The following MRTFB variants were observed in gnomAD, a reference collection of about 807,000 sequenced individuals.
MRTFB encodes myocardin-related transcription factor B.
In MRTFB, 29 loss-of-function variants were observed where a neutral mutation model predicts 104.2. The ratio of observed to expected loss-of-function variants is 0.28; its 90% CI spans 0.21 to 0.38. MRTFB has a LOEUF of 0.38. Ranked by LOEUF, MRTFB falls within the 10% of genes least tolerant of loss-of-function variation. The pLI, the probability that MRTFB is intolerant of heterozygous loss-of-function variation, is 1.00. For synonymous variants in MRTFB, 535 were observed against 519.5 expected (o/e 1.03, Z -0.41); for missense variants, 1,270 against 1,341.6 (o/e 0.95, Z 0.83).
At chr16:14,028,477 C>G in the MRTFB span, among the ~76,000 whole-genome samples, 2 of 152,140 alleles carry the variant, frequency 1.3e-5, no homozygotes. Flanking sequence ...CAGTGCTGTG[C>G]TAGGACTGGG....
chr16:14,200,133 T>C (rs2040616893), intron 3 of MRTFB: 2 of 669,832 alleles, frequency 3.0e-6, no homozygotes, highest in Non-Finnish European at 4.9e-6. Context: ...TTATTAGAAA[T>C]TTAATTTATA....
intron 2 of MRTFB, among the ~76,000 whole-genome samples, chr16:14,132,341 T>C (rs747598949): frequency 3.3e-5 from 5 of 152,028 alleles, no homozygotes; most frequent in Non-Finnish European, 5.9e-5. Flanking sequence ...GAGAATGTTC[T>C]GGACTTGGAT....
chr16:14,081,442 G>T (rs1484669395), intron 2 of MRTFB, among the ~76,000 whole-genome samples: 1 of 151,930 alleles, frequency 6.6e-6, no homozygotes, highest in Non-Finnish European at 1.5e-5. Flanking sequence ...ACAGGCATCC[G>T]CCATCATGCC....
At chr16:14,198,416 A>G (rs796627930) in intron 3 of MRTFB, among the ~76,000 whole-genome samples, 12 of 152,372 alleles carry the variant, frequency 7.9e-5, no homozygotes, top group African/African-American at 2.9e-4. Context: ...TTTAGGAAAG[A>G]CTTTAGAAAG....
At chr16:14,005,727 G>A in the MRTFB span, among the ~76,000 whole-genome samples, 1 of 152,146 alleles carries the variant, frequency 6.6e-6, no homozygotes, top group Admixed American at 6.5e-5. Context: ...ATTGAGTGTG[G>A]GGAACCTGAA....
rs115948199 is a variant in MRTFB at position 14,226,176 on chromosome 16, C to A, written c.693+7178C>A. ...CCCCAAACAATCTACAGATTCAGTA[C>A]AGTTCATATCAAAATCCTAATGTTG... On this transcript the variant is annotated intron_variant, in intron 8 of 16. Transcript: ENST00000571589. Among the ~76,000 whole-genome samples the A allele has an allele frequency of 3.5e-3, 526 of 152,296 alleles. 3 individuals are homozygous for A. Among genetic ancestry groups the A allele is most frequent in the African/African-American group, 0.012 (509 of 41,558 alleles).
At chr16:14,088,241 C>T (rs917190959) in intron 2 of MRTFB, among the ~76,000 whole-genome samples, 1 of 152,120 alleles carries the variant, frequency 6.6e-6, no homozygotes, top group African/African-American at 2.4e-5. Context: ...GTACATTGAG[C>T]CTTGTGCAAT....
At chr16:14,071,119 C>T (rs2033655518), upstream of MRTFB, among the ~76,000 whole-genome samples, 2 of 152,162 alleles carry the variant, frequency 1.3e-5, 1 homozygote, top group South Asian at 4.1e-4. Context: ...CCGCCTCGCA[C>T]CTGGGCTTTA....
intron 2 of MRTFB, among the ~76,000 whole-genome samples, chr16:14,129,721 G>A (rs1186349443): frequency 6.6e-6 from 1 of 152,082 alleles, no homozygotes; most frequent in African/African-American, 2.4e-5. Flanking sequence ...TGTCTTTTTA[G>A]TATCTCACAC....
At chr16:14,063,603 A>G in the MRTFB span, among the ~76,000 whole-genome samples, 1 of 152,186 alleles carries the variant, frequency 6.6e-6, no homozygotes, top group Admixed American at 6.5e-5. Flanking sequence ...AGAACATGTG[A>G]TGTTTGGTTT....
chr16:14,087,085 A>G (rs551501808), intron 2 of MRTFB, among the ~76,000 whole-genome samples: 35 of 151,856 alleles, frequency 2.3e-4, no homozygotes, highest in East Asian at 3.9e-4. Context: ...TAACCCTAGG[A>G]AAAAAAAATT....
chr16:14,100,850 G>A (rs866071194), intron 2 of MRTFB, among the ~76,000 whole-genome samples: 2 of 152,106 alleles, frequency 1.3e-5, no homozygotes, highest in South Asian at 4.2e-4. Flanking sequence ...TGAATTTATT[G>A]GCTTAAAGTT....
At chr16:14,115,290 G>A (rs898568589) in intron 2 of MRTFB, among the ~76,000 whole-genome samples, 1 of 152,114 alleles carries the variant, frequency 6.6e-6, no homozygotes, top group Non-Finnish European at 1.5e-5. Flanking sequence ...TGTGAAATAT[G>A]TATTTTTTTA....
At chr16:14,112,379 G>A (rs1475446231) in intron 2 of MRTFB, among the ~76,000 whole-genome samples, 2 of 152,130 alleles carry the variant, frequency 1.3e-5, no homozygotes, top group Non-Finnish European at 2.9e-5. Flanking sequence ...AGTGGATGAC[G>A]GGGTTCAAAG....
the MRTFB span, among the ~76,000 whole-genome samples, chr16:14,000,674 C>T: frequency 6.6e-6 from 1 of 152,322 alleles, no homozygotes; most frequent in African/African-American, 2.4e-5. Context: ...CACACAGCTC[C>T]TGGGGGTGGC....
the MRTFB span, among the ~76,000 whole-genome samples, chr16:14,034,401 G>A: frequency 6.6e-6 from 1 of 152,112 alleles, no homozygotes; most frequent in Non-Finnish European, 1.5e-5. Context: ...ATCACTTGAG[G>A]CCAGGAGTTC....
At chr16:14,024,317 C>A in the MRTFB span, among the ~76,000 whole-genome samples, 1 of 152,190 alleles carries the variant, frequency 6.6e-6, no homozygotes, top group South Asian at 2.1e-4. Flanking sequence ...TTTATAAGCA[C>A]ATTGAAATGT....
At chr16:14,176,195 A>G (rs1236815333) in intron 3 of MRTFB, among the ~76,000 whole-genome samples, 1 of 152,244 alleles carries the variant, frequency 6.6e-6, no homozygotes, top group Non-Finnish European at 1.5e-5. Flanking sequence ...GAAGATGCTT[A>G]TCAACTAGCC....
At chr16:14,240,216 T>C (rs1445447934) in intron 9 of MRTFB, 21 bp from the exon 10 acceptor site, 1 of 1,567,712 alleles carries the variant, frequency 6.4e-7, no homozygotes, top group South Asian at 1.2e-5. Flanking sequence ...TTAAATGTTA[T>C]TTTCTTTTTC....
Sources: gnomAD v4.1 joint callset for allele counts (sites outside exome capture counted in the v4.1 genomes callset) on GRCh38, gnomAD v4.1.1 for gene constraint, MANE v1.5 for transcripts, NCBI Gene and HGNC (gene_info 2026-07-23, HGNC 2026-07-21) for gene names.